EDIL3: variants seen among roughly 807,000 people sequenced by gnomAD.
The protein encoded by EDIL3 is EGF like and discoidin domains 3.
A neutral mutation model predicts 67.4 loss-of-function variants in EDIL3; 37 were observed. That is an observed-to-expected ratio of 0.55 (90% CI 0.42 to 0.72). The LOEUF (loss-of-function observed/expected upper bound fraction) is 0.72, where lower values mean the gene tolerates loss of function less well. Among genes scored for constraint, EDIL3 ranks in the 30% least tolerant of loss-of-function variants. EDIL3 has a pLI of 0.00. For synonymous variants in EDIL3, 195 were observed against 196.3 expected (o/e 0.99, Z 0.05); for missense variants, 527 against 586.3 (o/e 0.90, Z 1.04).
chr5:84,335,906 C>T (rs1483453760), intron 1 of EDIL3, among the ~76,000 whole-genome samples: 2 of 152,184 alleles, frequency 1.3e-5, no homozygotes, highest in East Asian at 3.9e-4. Flanking sequence ...TCACTCTCTT[C>T]TGCAAAGATA....
intron 1 of EDIL3, among the ~76,000 whole-genome samples, chr5:84,326,294 C>A (rs1363382523): frequency 6.6e-6 from 1 of 151,608 alleles, no homozygotes; most frequent in African/African-American, 2.4e-5. Context: ...TCTGCTATAG[C>A]AATATAAAAT....
chr5:84,326,720 TTTG>T (rs1746764461), intron 1 of EDIL3, among the ~76,000 whole-genome samples: 1 of 151,988 alleles, frequency 6.6e-6, no homozygotes, highest in Admixed American at 6.6e-5. Context: ...TTTTCTTGCT[TTTG>T]TTTCCAATGT....
chr5:84,070,237 G>C (rs907478684), intron 6 of EDIL3, among the ~76,000 whole-genome samples: 6 of 152,194 alleles, frequency 3.9e-5, no homozygotes, highest in African/African-American at 2.4e-5. Flanking sequence ...CCCCGGGATA[G>C]AGAAAGCCCT....
chr5:84,067,824 A>G (rs1020059514), intron 6 of EDIL3, among the ~76,000 whole-genome samples: 21 of 152,178 alleles, frequency 1.4e-4, no homozygotes, highest in African/African-American at 4.8e-4. Flanking sequence ...TTGTTCATAT[A>G]TAAAGAAAAT....
chr5:84,372,863 T>C (rs908499479), intron 1 of EDIL3, among the ~76,000 whole-genome samples: 1 of 152,178 alleles, frequency 6.6e-6, no homozygotes, highest in Non-Finnish European at 1.5e-5. Context: ...ATTATTAAGA[T>C]TGTAATGTGT....
At chr5:84,246,005 C>T (rs1744903595) in intron 2 of EDIL3, among the ~76,000 whole-genome samples, 1 of 151,192 alleles carries the variant, frequency 6.6e-6, no homozygotes, top group South Asian at 2.1e-4. Flanking sequence ...TTGCTAAAGC[C>T]AATGTGATTA....
chr5:83,983,400 G>C (rs116532123), intron 9 of EDIL3, among the ~76,000 whole-genome samples: 1 of 152,054 alleles, frequency 6.6e-6, no homozygotes, highest in African/African-American at 2.4e-5. Context: ...AGGAACAGAA[G>C]TTGAAGTTTG....
chr5:84,198,904 T>C (rs1743774702), intron 3 of EDIL3, among the ~76,000 whole-genome samples: 1 of 152,096 alleles, frequency 6.6e-6, no homozygotes, highest in Non-Finnish European at 1.5e-5. Context: ...GGAATGAGAT[T>C]GCCTGGGCTA....
intron 1 of EDIL3, among the ~76,000 whole-genome samples, chr5:84,259,668 T>C (rs1745189604): frequency 6.6e-6 from 1 of 152,206 alleles, no homozygotes; most frequent in African/African-American, 2.4e-5. Context: ...TCGGACTGCA[T>C]GATTCTGCAT....
At chr5:84,366,328 T>G (rs1012704505) in intron 1 of EDIL3, among the ~76,000 whole-genome samples, 4 of 152,110 alleles carry the variant, frequency 2.6e-5, no homozygotes. Context: ...TTCTATGCAC[T>G]TAACCTCTAT....
At chr5:83,981,851 TTGCCATCTGCTAG>T (rs2112149478) in intron 9 of EDIL3, among the ~76,000 whole-genome samples, 1 of 152,222 alleles carries the variant, frequency 6.6e-6, no homozygotes, top group African/African-American at 2.4e-5. Flanking sequence ...AAAGAAGACT[TTGCCATCTGCTAG>T]CCGAATTCAT....
chr5:83,968,550 T>C (rs1290722240), intron 9 of EDIL3, among the ~76,000 whole-genome samples: 7 of 151,998 alleles, frequency 4.6e-5, no homozygotes, highest in Non-Finnish European at 1.0e-4. Context: ...ACGACACATG[T>C]ATGGTGCAAT....
chr5:84,147,248 G>T (rs2112326313), intron 4 of EDIL3, among the ~76,000 whole-genome samples: 1 of 152,094 alleles, frequency 6.6e-6, no homozygotes, highest in South Asian at 2.1e-4. Flanking sequence ...CATTTTCACT[G>T]CAGAGTAGAG....
intron 1 of EDIL3, among the ~76,000 whole-genome samples, chr5:84,309,671 A>G (rs1340002443): frequency 6.6e-6 from 1 of 151,974 alleles, no homozygotes; most frequent in African/African-American, 2.4e-5. Flanking sequence ...AAGGACATGA[A>G]CTCATCATTT....
chr5:84,224,429 C>A, intron 3 of EDIL3, among the ~76,000 whole-genome samples: 1 of 151,122 alleles, frequency 6.6e-6, no homozygotes, highest in Non-Finnish European at 1.5e-5. Context: ...TTTTAGCAGT[C>A]AATATTCAAA....
intron 4 of EDIL3, among the ~76,000 whole-genome samples, chr5:84,143,890 T>C (rs1748247470): frequency 6.6e-6 from 1 of 152,082 alleles, no homozygotes; most frequent in Non-Finnish European, 1.5e-5. Flanking sequence ...ATTTGTTAAT[T>C]GGTAAGAAAG....
intron 3 of EDIL3, among the ~76,000 whole-genome samples, chr5:84,201,161 C>G (rs1379845): frequency 0.01 from 1,576 of 152,066 alleles, 32 homozygotes; most frequent in African/African-American, 0.036. Context: ...AGTTAAACAA[C>G]TGGCTTATAA....
intron 1 of EDIL3, among the ~76,000 whole-genome samples, chr5:84,291,626 ATG>A (rs1260346739): frequency 1.3e-5 from 2 of 149,902 alleles, no homozygotes; most frequent in African/African-American, 2.4e-5. Context: ...ATTATCATGT[ATG>A]TGTGTGTATA....
chr5:84,309,872 G>A (rs1436219766), intron 1 of EDIL3, among the ~76,000 whole-genome samples: 1 of 152,174 alleles, frequency 6.6e-6, no homozygotes, highest in African/African-American at 2.4e-5. Flanking sequence ...TGGGATGGCT[G>A]GGTCAAATGG....
Sources: gnomAD v4.1 joint callset for allele counts (sites outside exome capture counted in the v4.1 genomes callset) on GRCh38, gnomAD v4.1.1 for gene constraint, MANE v1.5 for transcripts, NCBI Gene and HGNC (gene_info 2026-07-23, HGNC 2026-07-21) for gene names.